COL21A1: variants seen among roughly 807,000 people sequenced by gnomAD.
COL21A1 encodes the protein collagen type XXI alpha 1 chain.
In COL21A1, 149 loss-of-function variants were observed where a neutral mutation model predicts 137.9. The ratio of observed to expected loss-of-function variants is 1.08; its 90% confidence interval spans 0.95 to 1.24. The LOEUF is 1.24. Ranked by LOEUF, COL21A1 falls within the 50% of genes most tolerant of loss-of-function variation. The pLI is 0.00. For missense variants in COL21A1, 1,167 were observed against 1,158.4 expected, an observed-to-expected ratio of 1.01 and a Z score of -0.11; for synonymous variants, 456 against 391.5, an observed-to-expected ratio of 1.16 and a Z score of -1.95.
chr6:56,188,405 A>C (rs546649196), intron 1 of COL21A1, among the ~76,000 whole-genome samples: 1 of 152,318 alleles, frequency 6.6e-6, no homozygotes, highest in Admixed American at 6.5e-5. Flanking sequence ...TCAATATACA[A>C]GTTGTGTGAT....
At chr6:56,278,940 G>C (rs1335491605) in intron 1 of COL21A1, among the ~76,000 whole-genome samples, 1 of 152,248 alleles carries the variant, frequency 6.6e-6, no homozygotes, top group African/African-American at 2.4e-5. Context: ...CTAGGGATTA[G>C]TGAGGGTAGA....
At chr6:56,239,118 G>C (rs1418969820) in intron 1 of COL21A1, among the ~76,000 whole-genome samples, 2 of 152,226 alleles carry the variant, frequency 1.3e-5, no homozygotes, top group Non-Finnish European at 2.9e-5. Context: ...CAATGTATTA[G>C]AGCATGTAAC....
intron 1 of COL21A1, among the ~76,000 whole-genome samples, chr6:56,213,741 C>T (rs948732191): frequency 5.3e-5 from 8 of 151,946 alleles, no homozygotes; most frequent in African/African-American, 1.4e-4. Context: ...GCTAAGCCCA[C>T]AGAAGGCACA....
intron 12 of COL21A1, among the ~76,000 whole-genome samples, chr6:56,140,782 C>A (rs1774347640): frequency 6.6e-6 from 1 of 152,036 alleles, no homozygotes; most frequent in Non-Finnish European, 1.5e-5. Context: ...GAGTTTAACC[C>A]CAACAATGAA....
intron 1 of COL21A1, among the ~76,000 whole-genome samples, chr6:56,216,536 C>T (rs966401162): frequency 3.9e-5 from 6 of 152,042 alleles, no homozygotes; most frequent in African/African-American, 1.2e-4. Context: ...TCTTTTTACT[C>T]TGTTAACCAA....
In COL21A1 at chr6:56,191,547, A is replaced by C. The variant is rs1175405478; in HGVS notation, c.-38-8891T>G. ...GCAGAGGTTGCAGCGAGCTGAGATC[A>C]CACCACTGCACTCCAGCCTGGGTGA... On this transcript the variant is annotated intron_variant, in intron 1 of 29. Coordinates refer to ENST00000244728, the MANE Select transcript of COL21A1 (RefSeq NM_030820.4). Among the ~76,000 whole-genome samples the C allele has an allele frequency of 2.7e-5, 4 of 147,030 alleles. No homozygotes were observed. The Admixed American group carries it at 2.8e-4, about 10-fold the overall frequency.
intron 1 of COL21A1, among the ~76,000 whole-genome samples, chr6:56,307,769 G>A (rs536984589): frequency 2.0e-4 from 31 of 152,238 alleles, no homozygotes; most frequent in Non-Finnish European, 2.8e-4. Flanking sequence ...AGATGAACCC[G>A]GTACCTCAGT....
chr6:56,151,148 C>T (rs1489252562), intron 10 of COL21A1, among the ~76,000 whole-genome samples: 1 of 152,130 alleles, frequency 6.6e-6, no homozygotes, highest in Admixed American at 6.6e-5. Flanking sequence ...ATGGCATGAA[C>T]CCAGGAGGCG....
intron 17 of COL21A1, among the ~76,000 whole-genome samples, chr6:56,094,081 G>A (rs1004370993): frequency 7.2e-5 from 11 of 151,978 alleles, no homozygotes; most frequent in Non-Finnish European, 1.3e-4. Flanking sequence ...CCAAGTGCTG[G>A]CTCCTTTTTG....
chr6:56,073,800 A>G (rs749104146), intron 20 of COL21A1, among the ~76,000 whole-genome samples: 7 of 151,526 alleles, frequency 4.6e-5, no homozygotes, highest in Non-Finnish European at 7.4e-5. Flanking sequence ...TCTTACTCAC[A>G]GAACTAGTAT....
At chr6:56,265,649 T>A (rs967568454) in intron 1 of COL21A1, among the ~76,000 whole-genome samples, 1 of 152,220 alleles carries the variant, frequency 6.6e-6, no homozygotes, top group African/African-American at 2.4e-5. Context: ...TGGTGACAGA[T>A]CATACCATCT....
chr6:56,085,809 G>A (rs1394397488), intron 17 of COL21A1, among the ~76,000 whole-genome samples: 1 of 151,398 alleles, frequency 6.6e-6, no homozygotes, highest in Non-Finnish European at 1.5e-5. Flanking sequence ...TAATTTTGAG[G>A]TACTCTGTGG....
intron 9 of COL21A1, among the ~76,000 whole-genome samples, chr6:56,162,414 T>C (rs1336061389): frequency 1.3e-5 from 2 of 152,112 alleles, no homozygotes; most frequent in African/African-American, 4.8e-5. Context: ...GAGAAACACA[T>C]GAAACTTGGA....
At chr6:56,363,467 G>A (rs750139463) in intron 1 of COL21A1, among the ~76,000 whole-genome samples, 13 of 152,278 alleles carry the variant, frequency 8.5e-5, no homozygotes, top group African/African-American at 1.2e-4. Flanking sequence ...CTTGAATCCA[G>A]GTCTTTGGAC....
At chr6:56,166,760 G>C in intron 7 of COL21A1, 146 bp downstream of exon 7, 1 of 720,606 alleles carries the variant, frequency 1.4e-6, no homozygotes, top group Non-Finnish European at 2.5e-6. Flanking sequence ...AATATGTTTT[G>C]CTTCATGTAA....
chr6:56,292,148 C>T (rs1033416585), intron 1 of COL21A1, among the ~76,000 whole-genome samples: 6 of 151,894 alleles, frequency 4.0e-5, no homozygotes, highest in Admixed American at 3.3e-4. Flanking sequence ...CAGCCTGGGC[C>T]GCAGAATGAG....
At chr6:56,274,268 T>C (rs1763590878) in intron 1 of COL21A1, among the ~76,000 whole-genome samples, 2 of 152,118 alleles carry the variant, frequency 1.3e-5, no homozygotes, top group African/African-American at 4.8e-5. Context: ...TCATACAGAA[T>C]GGGCCAAAGC....
At chr6:56,353,590 T>C (rs1196819164) in intron 1 of COL21A1, among the ~76,000 whole-genome samples, 2 of 152,234 alleles carry the variant, frequency 1.3e-5, no homozygotes, top group African/African-American at 4.8e-5. Flanking sequence ...AGTGTTGTCT[T>C]ATAACACTAA....
At chr6:56,307,851 G>T (rs886917408) in intron 1 of COL21A1, among the ~76,000 whole-genome samples, 2 of 151,930 alleles carry the variant, frequency 1.3e-5, no homozygotes, top group African/African-American at 4.8e-5. Flanking sequence ...GTTCCTATTC[G>T]GCCATCTTGG....
Sources: gnomAD v4.1 joint callset for allele counts (sites outside exome capture counted in the v4.1 genomes callset) on GRCh38, gnomAD v4.1.1 for gene constraint, MANE v1.5 for transcripts, NCBI Gene and HGNC (gene_info 2026-07-23, HGNC 2026-07-21) for gene names.